The following METTL16 variants were observed in gnomAD, a reference collection of about 807,000 sequenced individuals.
The protein encoded by METTL16 is RNA N(6)-adenosine-methyltransferase METTL16.
A neutral mutation model predicts 57.9 loss-of-function variants in METTL16; 19 were observed. That is an observed-to-expected ratio of 0.33 (90% CI 0.23 to 0.48). The LOEUF is 0.48. Among genes scored for constraint, METTL16 ranks in the 20% least tolerant of loss-of-function variants. The pLI is 0.99. For synonymous variants in METTL16, 246 were observed against 255.6 expected (o/e 0.96, Z 0.36); for missense variants, 434 against 691.5 (o/e 0.63, Z 4.18).
intron 1 of METTL16, among the ~76,000 whole-genome samples, chr17:2,509,804 T>C (rs111337092): frequency 0.035 from 5,248 of 152,030 alleles, 192 homozygotes; most frequent in African/African-American, 0.093. Flanking sequence ...TCCCAGCTAC[T>C]TGGGAGGCTG....
chr17:2,420,009 G>A lies in METTL16; in HGVS notation c.1650C>T (p.Tyr550=). The part of the protein sequence containing the change: ...NRDLMNQLCT[Y]IRNQIFRLVA... ...CAAGCCTGAAAATTTGGTTACGTAT[G>A]TAGGTGCAAAGCTGGTTCATCAGAT... The change falls in exon 10 of 10, where the codon TAC becomes TAT. Residue 550 remains tyrosine, a synonymous_variant. Coordinates refer to ENST00000263092, the MANE Select transcript of METTL16 (RefSeq NM_024086.4). This position sits in a 1 kb window ranked among gnomAD's most constrained non-coding sequence, Gnocchi z 5.4. 6.2e-7 allele frequency: 1 copy of A among 1,614,194 alleles called. No individual in the cohort carries two copies. Among genetic ancestry groups the A allele is most frequent in the Non-Finnish European group, 8.5e-7 (1 of 1,180,038 alleles).
In METTL16 at chr17:2,487,003, CAAAAAAAAAAA is replaced by C. The variant is rs11397318; in HGVS notation, c.129-9129_129-9119del. On this transcript the variant is annotated intron_variant, in intron 2 of 9. Transcript: ENST00000263092. ...TGGGCAACAGAGTGAGATCCTGTCT[CAAAAAAAAAAA>C]AAAAAAAAAAAAGGCTATATCTAGA... 1.6e-4 allele frequency among the ~76,000 whole-genome samples: 9 copies of C among 57,428 alleles called. 1 individual carries two copies. The highest frequency in any genetic ancestry group is 6.9e-4 in the African/African-American group (9 of 13,070). The allele number at this position is 57,428 out of a possible 152,430, so 37.7% of individuals were successfully genotyped here. A position where few individuals can be genotyped will look rare whatever the true frequency, so the allele number is the denominator to read the frequency against.
At chr17:2,485,399 G>T (rs1053285715) in intron 2 of METTL16, among the ~76,000 whole-genome samples, 8 of 152,018 alleles carry the variant, frequency 5.3e-5, no homozygotes, top group African/African-American at 1.9e-4. Context: ...AATGTAATGC[G>T]CTTGAATCAT....
In METTL16 at chr17:2,417,057, CCTTT is replaced by C. The variant is rs1446143343; in HGVS notation, c.*2909_*2912del. 4 of 47,248 alleles carry C rather than the reference CCTTT, an allele frequency of 8.5e-5. No homozygotes were observed. Among genetic ancestry groups the C allele is most frequent in the Non-Finnish European group, 1.6e-4 (4 of 24,502 alleles). 2.9% of individuals were successfully genotyped at this position (47,248 alleles called of 1,614,324 possible). A position where few individuals can be genotyped will look rare whatever the true frequency, so the allele number is the denominator to read the frequency against. On this transcript the variant is annotated 3_prime_UTR_variant, in exon 10 of 10. Coordinates refer to ENST00000263092, the MANE Select transcript of METTL16 (RefSeq NM_024086.4). ...CTGAAAGCTGGCCTGCTCATGGGTT[CCTTT>C]TTTTTTTTTTTTTTTTTTTTTTTTG...
chr17:2,507,608 C>G (rs1296304047), intron 1 of METTL16, among the ~76,000 whole-genome samples: 3 of 152,196 alleles, frequency 2.0e-5, no homozygotes, highest in Non-Finnish European at 2.9e-5. Context: ...GCCCGGCCAC[C>G]ACCCCGTCTG....
At chr17:2,430,351 G>C (rs1394487849) in intron 8 of METTL16, among the ~76,000 whole-genome samples, 3 of 149,496 alleles carry the variant, frequency 2.0e-5, no homozygotes, top group Non-Finnish European at 3.0e-5. Flanking sequence ...GTTGAATTAT[G>C]AACTTTAGAC....
chr17:2,423,376 T>C (rs1484791541), intron 8 of METTL16, among the ~76,000 whole-genome samples: 7 of 152,016 alleles, frequency 4.6e-5, no homozygotes, highest in African/African-American at 1.5e-4. Context: ...TTCAATTATG[T>C]TTCAGACAAG....
intron 6 of METTL16, among the ~76,000 whole-genome samples, chr17:2,449,330 A>T (rs931666407): frequency 1.3e-5 from 2 of 152,160 alleles, no homozygotes; most frequent in Non-Finnish European, 2.9e-5. Context: ...TGATAAACTG[A>T]TGCTAAAATT....
intron 6 of METTL16, among the ~76,000 whole-genome samples, chr17:2,460,595 CATA>C (rs759350797): frequency 2.0e-5 from 3 of 152,104 alleles, no homozygotes; most frequent in Non-Finnish European, 4.4e-5. Context: ...CCTCAAAAGC[CATA>C]ATGAGGGTTG....
chr17:2,509,243 C>G (rs778548999), intron 1 of METTL16, among the ~76,000 whole-genome samples: 1 of 152,188 alleles, frequency 6.6e-6, no homozygotes, highest in Non-Finnish European at 1.5e-5. Flanking sequence ...TTTGAGTAAA[C>G]AATTCAGAAT....
chr17:2,427,535 G>A (rs2066828405), intron 8 of METTL16, among the ~76,000 whole-genome samples: 1 of 152,144 alleles, frequency 6.6e-6, no homozygotes, highest in Non-Finnish European at 1.5e-5. Flanking sequence ...TGTTACTTTT[G>A]AGACTCCTGG....
rs1425777103 is a variant in METTL16, at chr17:2,420,981, G to A, written c.889-77C>T. On this transcript the variant is annotated intron_variant, in intron 8 of 9. Coordinates refer to ENST00000263092, the MANE Select transcript of METTL16 (RefSeq NM_024086.4). The surrounding 1 kb of genome is among the most constrained non-coding windows in gnomAD (Gnocchi z 5.4). ...AACCTCATGCATTGTAATGAACTCAGAGAAAATTTCCACAACTTCTGCTAC... is the reference window on the plus strand; with the variant it reads ...AACCTCATGCATTGTAATGAACTCAAAGAAAATTTCCACAACTTCTGCTAC... The A allele has an allele frequency of 2.0e-6, 3 of 1,508,264 alleles. No individual in the cohort carries two copies. The highest frequency in any genetic ancestry group is 2.7e-6 in the Non-Finnish European group (3 of 1,111,400). The allele number at this position is 1,508,264 out of a possible 1,614,324, so 93.4% of individuals were successfully genotyped here.
chr17:2,446,581 G>C (rs1465490800), intron 6 of METTL16, among the ~76,000 whole-genome samples: 2 of 139,640 alleles, frequency 1.4e-5, no homozygotes, highest in Non-Finnish European at 3.0e-5. Context: ...AAGAGATCAA[G>C]AGCATCCTGG....
chr17:2,477,060 G>T (rs1453003366), intron 3 of METTL16, among the ~76,000 whole-genome samples: 1 of 151,784 alleles, frequency 6.6e-6, no homozygotes, highest in Non-Finnish European at 1.5e-5. Context: ...AGCTAAATAG[G>T]GCCAGGCGTA....
intron 2 of METTL16, among the ~76,000 whole-genome samples, chr17:2,479,841 G>T (rs2067292234): frequency 6.6e-6 from 1 of 152,074 alleles, no homozygotes; most frequent in Admixed American, 6.6e-5. Flanking sequence ...CAATCAATTT[G>T]CCATGGACGT....
At chr17:2,424,446 C>T (rs1375368150) in intron 8 of METTL16, 1 of 152,020 alleles carries the variant, frequency 6.6e-6, no homozygotes, top group Non-Finnish European at 1.5e-5. Context: ...AAGGGTCTTG[C>T]TATATTGATT....
intron 2 of METTL16, among the ~76,000 whole-genome samples, chr17:2,489,077 T>C (rs2067364602): frequency 6.6e-6 from 1 of 152,032 alleles, no homozygotes; most frequent in African/African-American, 2.4e-5. Context: ...AAATAAAAAA[T>C]TGTACCTCGA....
intron 2 of METTL16, among the ~76,000 whole-genome samples, chr17:2,480,213 G>GA (rs2067295784): frequency 6.7e-6 from 1 of 148,802 alleles, no homozygotes; most frequent in Non-Finnish European, 1.5e-5. Context: ...GAAAAGAAAA[G>GA]AAAAAACATA....
At chr17:2,474,303 A>G (rs1170751058) in intron 3 of METTL16, among the ~76,000 whole-genome samples, 2 of 151,644 alleles carry the variant, frequency 1.3e-5, no homozygotes, top group Non-Finnish European at 2.9e-5. Context: ...GCAGGAAAAA[A>G]TATGTAGGGT....
Sources: gnomAD v4.1 joint callset for allele counts (sites outside exome capture counted in the v4.1 genomes callset) on GRCh38, gnomAD v4.1.1 for gene constraint, Gnocchi (gnomAD v3.1) non-coding constraint, MANE v1.5 for transcripts, NCBI Gene and HGNC (gene_info 2026-07-23, HGNC 2026-07-21) for gene names.